Variants in USH2A observed in about 807,000 individuals in gnomAD.
USH2A encodes the protein Usher syndrome 2A (autosomal recessive, mild).
A neutral mutation model predicts 538.9 loss-of-function variants in USH2A; 443 were observed. That is an observed-to-expected ratio of 0.82 (90% confidence interval 0.76 to 0.89). The LOEUF (loss-of-function observed/expected upper bound fraction) is 0.89, where lower values mean the gene tolerates loss of function less well. USH2A is among the 40% of genes least tolerant of loss of function. The pLI, the probability that USH2A is intolerant of heterozygous loss-of-function variation, is 0.00. For synonymous variants in USH2A, 2,413 were observed against 2,273.5 expected, an observed-to-expected ratio of 1.06 and a Z score of -1.75; for missense variants, 6,633 against 6,324.8, an observed-to-expected ratio of 1.05 and a Z score of -1.65.
At chr1:216,129,028 AT>A (rs965859085) in intron 21 of USH2A, among the ~76,000 whole-genome samples, 95 of 152,046 alleles carry the variant, frequency 6.2e-4, no homozygotes, top group African/African-American at 2.2e-3. Context: ...TGCCTAGCTT[AT>A]TTCACTTAAC....
At chr1:215,669,050 GAAAC>G (rs748852488) in intron 64 of USH2A, among the ~76,000 whole-genome samples, 2 of 151,982 alleles carry the variant, frequency 1.3e-5, no homozygotes, top group African/African-American at 4.8e-5. Flanking sequence ...CTCGAACAAA[GAAAC>G]AAACAAACAA....
chr1:216,187,022 T>C (rs2034619247), intron 20 of USH2A, among the ~76,000 whole-genome samples: 1 of 151,954 alleles, frequency 6.6e-6, no homozygotes, highest in African/African-American at 2.4e-5. Context: ...AAATCTCTGC[T>C]TTCATTACAT....
At chr1:215,729,044 T>C (rs1368730748) in intron 60 of USH2A, among the ~76,000 whole-genome samples, 1 of 152,206 alleles carries the variant, frequency 6.6e-6, no homozygotes, top group Non-Finnish European at 1.5e-5. Context: ...GCGAGTATGC[T>C]CGTAAACTCA....
Position 216,365,985 on chromosome 1 carries a change from T to C in USH2A, c.652-900A>G, listed in dbSNP as rs115025228. Among the ~76,000 whole-genome samples, 702 of 152,312 alleles carry C rather than the reference T, an allele frequency of 4.6e-3. 6 individuals carry two copies. The highest frequency in any genetic ancestry group is 0.016 in the African/African-American group (668 of 41,572). On this transcript the variant is annotated intron_variant, in intron 3 of 71. Coordinates refer to ENST00000307340, the MANE Select transcript of USH2A (RefSeq NM_206933.4). The stretch of plus-strand genomic sequence containing the variant: ...CAGAATAGCCAATGCTATCAAACTT[T>C]TATGGAAAACACCCATAGATACCTG...
At chr1:215,758,177 T>C (rs1026410967) in intron 58 of USH2A, among the ~76,000 whole-genome samples, 1 of 151,692 alleles carries the variant, frequency 6.6e-6, no homozygotes, top group African/African-American at 2.4e-5. Context: ...TCCCAGCTAC[T>C]CAGGAGCCTG....
At chr1:216,205,614 C>G (rs1164878641) in intron 16 of USH2A, among the ~76,000 whole-genome samples, 3 of 152,158 alleles carry the variant, frequency 2.0e-5, no homozygotes, top group Non-Finnish European at 1.5e-5. Flanking sequence ...ATCCTCCTAA[C>G]CATTTTAAGG....
In USH2A at chr1:216,323,399, C is replaced by G. The variant is rs1364012015; in HGVS notation, c.1550+75G>C. On this transcript the variant is annotated intron_variant, in intron 8 of 71. Transcript: ENST00000307340. ...AATGTAAAGCTTGAAATCTGGCTTG[C>G]TCTGACATCTTAATGTGCTGTTAAG... 2.7e-6 allele frequency: 4 copies of G among 1,455,034 alleles called. No individual in the cohort carries two copies. In the Admixed American group the frequency reaches 6.8e-5, roughly 25 times the overall value. The allele number at this position is 1,455,034 out of a possible 1,614,324, so 90.1% of individuals were successfully genotyped here.
intron 61 of USH2A, among the ~76,000 whole-genome samples, chr1:215,714,116 C>A (rs1373734498): frequency 6.6e-6 from 1 of 152,164 alleles, no homozygotes; most frequent in Non-Finnish European, 1.5e-5. Context: ...ATAAATGATG[C>A]TTTCTCAGTT....
chr1:215,708,698 G>A (rs1659252701), intron 61 of USH2A, among the ~76,000 whole-genome samples: 1 of 152,148 alleles, frequency 6.6e-6, no homozygotes. Flanking sequence ...GATCTGTGGA[G>A]CAGATCTGTG....
At position 215,655,725 on chromosome 1, in the gene USH2A, C is replaced by CTTTTTTTTTTTTTTTTTTT. The variant is rs766225635; in HGVS notation, c.14134-4943_14134-4925dup. Among the ~76,000 whole-genome samples the CTTTTTTTTTTTTTTTTTTT allele has an allele frequency of 2.4e-4, 23 of 96,190 alleles. 1 individual carries two copies. The highest frequency in any genetic ancestry group is 7.3e-4 in the African/African-American group (19 of 25,936). 63.1% of individuals were successfully genotyped at this position (96,190 alleles called of 152,430 possible). A position where few individuals can be genotyped will look rare whatever the true frequency, so the allele number is the denominator to read the frequency against. On this transcript the variant is annotated intron_variant, in intron 64 of 71. Transcript: ENST00000307340. Reference sequence around the variant, plus strand: ...TGCTTCTGTTACTGTGCTAGTTATTCTTTTTTTTTTTTTTTTTTTTTTTTC... The same window carrying CTTTTTTTTTTTTTTTTTTT: ...TGCTTCTGTTACTGTGCTAGTTATTCTTTTTTTTTTTTTTTTTTTTTTTTTTTTTTTTTTTTTTTTTTTC...
chr1:216,000,312 A>G (rs1273001892), intron 33 of USH2A, 91 bp downstream of exon 33: 1 of 1,551,550 alleles, frequency 6.4e-7, no homozygotes, highest in Non-Finnish European at 8.9e-7. Context: ...TCACAATAAA[A>G]TTAATTTTAT....
rs181052143 is a variant in USH2A, at chr1:215,818,179, G to T, written c.9372-984C>A. 1.5e-3 allele frequency among the ~76,000 whole-genome samples: 222 copies of T among 151,930 alleles called. 1 individual carries two copies. Among genetic ancestry groups the T allele is most frequent in the African/African-American group, 5.0e-3 (208 of 41,512 alleles). The stretch of plus-strand genomic sequence containing the variant: ...TAGGCTATTAGTAGTTAAATTTTGG[G>T]ACAGTCAAAAGTTATATGCAGATTT... On this transcript the variant is annotated intron_variant, in intron 47 of 71. Coordinates refer to ENST00000307340, the MANE Select transcript of USH2A (RefSeq NM_206933.4).
chr1:216,243,752 C>G (rs977743479), intron 13 of USH2A, among the ~76,000 whole-genome samples: 1 of 152,166 alleles, frequency 6.6e-6, no homozygotes, highest in African/African-American at 2.4e-5. Context: ...CAGTCTGGTA[C>G]ATTTTCTACT....
intron 61 of USH2A, among the ~76,000 whole-genome samples, chr1:215,714,763 T>A (rs2102701305): frequency 6.6e-6 from 1 of 152,338 alleles, no homozygotes. Context: ...CCAAAAAGCT[T>A]GGAGGATTGT....
chr1:216,105,770 T>C (rs1284324742), intron 21 of USH2A, among the ~76,000 whole-genome samples: 13 of 152,036 alleles, frequency 8.6e-5, no homozygotes, highest in Admixed American at 8.5e-4. Flanking sequence ...TATTTAGGTT[T>C]ACATTGATTT....
intron 21 of USH2A, among the ~76,000 whole-genome samples, chr1:216,162,749 A>G (rs1206670065): frequency 1.3e-5 from 2 of 152,032 alleles, no homozygotes; most frequent in Admixed American, 1.3e-4. Context: ...GTATTCACCA[A>G]GGTTTCTCTA....
At position 216,234,117 on chromosome 1, in the gene USH2A, T is replaced by C. The variant is rs939218236; in HGVS notation, c.2810-1981A>G. Among the ~76,000 whole-genome samples, 6 of 152,316 alleles carry C rather than the reference T, an allele frequency of 3.9e-5. No homozygotes were observed. The East Asian group carries it at 7.7e-4, about 20-fold the overall frequency. ...AGCAAAAAGTGAATCTATTCTCTTA[T>C]CTATTATATAGGGAACAGCAAAAAG... On this transcript the variant is annotated intron_variant, in intron 13 of 71. Transcript: ENST00000307340.
chr1:216,120,015 AT>A (rs367703096), intron 21 of USH2A, among the ~76,000 whole-genome samples: 1 of 152,260 alleles, frequency 6.6e-6, no homozygotes, highest in East Asian at 1.9e-4. Context: ...GAATAAAATC[AT>A]AAACATTTTT....
chr1:216,135,330 A>G (rs1330567750), intron 21 of USH2A, among the ~76,000 whole-genome samples: 1 of 152,046 alleles, frequency 6.6e-6, no homozygotes, highest in Non-Finnish European at 1.5e-5. Flanking sequence ...ACAAGTGAAC[A>G]GCTTAGCACG....
Sources: gnomAD v4.1 joint callset for allele counts (sites outside exome capture counted in the v4.1 genomes callset) on GRCh38, gnomAD v4.1.1 for gene constraint, MANE v1.5 for transcripts, NCBI Gene and HGNC (gene_info 2026-07-23, HGNC 2026-07-21) for gene names.